The following TLCD4 variants were observed in gnomAD, a reference collection of about 807,000 sequenced individuals.
TLCD4 encodes the protein TLC domain-containing protein 4.
A neutral mutation model predicts 24.2 loss-of-function variants in TLCD4; 7 were observed. The observed-to-expected ratio is 0.29, with a 90% CI of 0.16 to 0.54. The LOEUF (loss-of-function observed/expected upper bound fraction) is 0.54, where lower values mean the gene tolerates loss of function less well. Among genes scored for constraint, TLCD4 ranks in the 20% least tolerant of loss-of-function variants. TLCD4 has a pLI of 0.95. For missense variants in TLCD4, 259 were observed against 313.9 expected, an observed-to-expected ratio of 0.82 and a Z score of 1.32; for synonymous variants, 103 against 106.4, an observed-to-expected ratio of 0.97 and a Z score of 0.20.
At chr1:95,143,528 T>C (rs1444438576) in intron 1 of TLCD4, among the ~76,000 whole-genome samples, 2 of 152,162 alleles carry the variant, frequency 1.3e-5, no homozygotes, top group East Asian at 3.9e-4. Context: ...AATTGAGGGA[T>C]AAAGAAATCG....
chr1:95,153,490 G>A (rs1571748347), intron 5 of TLCD4, among the ~76,000 whole-genome samples: 1 of 152,132 alleles, frequency 6.6e-6, no homozygotes, highest in Non-Finnish European at 1.5e-5. Context: ...TTGCATTTAG[G>A]TTCAACGATG....
Position 95,193,965 on chromosome 1 carries a change from A to C in TLCD4, c.*2097A>C, listed in dbSNP as rs937855097. The C allele has an allele frequency of 2.6e-5, 4 of 152,102 alleles. No individual in the cohort carries two copies. Among genetic ancestry groups the C allele is most frequent in the African/African-American group, 9.6e-5 (4 of 41,460 alleles). The allele number at this position is 152,102 out of a possible 1,614,324, so 9.4% of individuals were successfully genotyped here. A position where few individuals can be genotyped will look rare whatever the true frequency, so the allele number is the denominator to read the frequency against. ...CTTTTAGAAAGAGACCTTGAGATAA[A>C]TATTTTTTGACTCTGGATATTTCTA... On this transcript the variant is annotated 3_prime_UTR_variant, in exon 7 of 7. Transcript: ENST00000370203.
At chr1:95,169,071 T>C (rs1309539561) in intron 5 of TLCD4, among the ~76,000 whole-genome samples, 1 of 152,222 alleles carries the variant, frequency 6.6e-6, no homozygotes, top group Non-Finnish European at 1.5e-5. Context: ...GGGAGCTAGC[T>C]CCTTGGGGCT....
At chr1:95,112,757 G>A, upstream of TLCD4, among the ~76,000 whole-genome samples, 1 of 152,148 alleles carries the variant, frequency 6.6e-6, no homozygotes, top group East Asian at 1.9e-4. Flanking sequence ...CTGTGATCTG[G>A]CAAAATAAAA....
the TLCD4 span, among the ~76,000 whole-genome samples, chr1:95,102,168 G>T: frequency 6.6e-6 from 1 of 152,138 alleles, no homozygotes; most frequent in Non-Finnish European, 1.5e-5. Context: ...AAGGATTTGA[G>T]GACTCTTCTA....
intron 5 of TLCD4, among the ~76,000 whole-genome samples, chr1:95,154,997 T>C (rs1405071191): frequency 6.6e-6 from 1 of 151,520 alleles, no homozygotes; most frequent in Non-Finnish European, 1.5e-5. Flanking sequence ...CCTACCAACA[T>C]ATAGTCGTAG....
chr1:95,185,897 T>G (rs1156801830), intron 6 of TLCD4, among the ~76,000 whole-genome samples: 1 of 151,976 alleles, frequency 6.6e-6, no homozygotes, highest in Non-Finnish European at 1.5e-5. Context: ...TAACTGTATA[T>G]CAGTAAGAAA....
rs774758101 is a variant in TLCD4, at chr1:95,143,885, T to C, written c.-11-6T>C. ...AACAATTTATAGCTGTCATTTATCT[T>C]AACAGGTTGAAGAAATATGGAGATC... On this transcript the variant is annotated splice_polypyrimidine_tract_variant and splice_region_variant and intron_variant, in intron 1 of 6. Coordinates refer to ENST00000370203, the MANE Select transcript of TLCD4 (RefSeq NM_152487.3). 1 of 1,382,036 alleles carries C rather than the reference T, an allele frequency of 7.2e-7. No homozygotes were observed. Among genetic ancestry groups the C allele is most frequent in the Admixed American group, 2.8e-5 (1 of 35,972 alleles). 85.6% of individuals were successfully genotyped at this position (1,382,036 alleles called of 1,614,324 possible).
chr1:95,173,038 T>C (rs950056011), intron 5 of TLCD4, among the ~76,000 whole-genome samples: 1 of 152,244 alleles, frequency 6.6e-6, no homozygotes, highest in Non-Finnish European at 1.5e-5. Context: ...CTAGGTATTA[T>C]GTTTAAATTT....
At chr1:95,156,576 G>A (rs535686215) in intron 5 of TLCD4, among the ~76,000 whole-genome samples, 82 of 152,264 alleles carry the variant, frequency 5.4e-4, no homozygotes, top group African/African-American at 1.8e-3. Flanking sequence ...AATCTGATTG[G>A]GGAAGAGGAT....
intron 6 of TLCD4, among the ~76,000 whole-genome samples, chr1:95,188,370 A>G (rs1678904963): frequency 7.0e-6 from 1 of 143,328 alleles, no homozygotes; most frequent in Admixed American, 7.5e-5. Context: ...CCTGGGCGAC[A>G]GAGCGAGACT....
chr1:95,178,685 C>G (rs1678529016), intron 6 of TLCD4, among the ~76,000 whole-genome samples: 1 of 148,926 alleles, frequency 6.7e-6, no homozygotes, highest in Non-Finnish European at 1.5e-5. Flanking sequence ...GTGTAAGGGA[C>G]TATGCCTTAG....
At chr1:95,110,746 C>T in the TLCD4 span, among the ~76,000 whole-genome samples, 2 of 151,598 alleles carry the variant, frequency 1.3e-5, no homozygotes, top group African/African-American at 4.8e-5. Flanking sequence ...AAAAAGTAGC[C>T]AGGTGTGGTG....
At chr1:95,101,686 A>T in the TLCD4 span, among the ~76,000 whole-genome samples, 1 of 152,128 alleles carries the variant, frequency 6.6e-6, no homozygotes, top group Non-Finnish European at 1.5e-5. Flanking sequence ...GGTGTGAAAA[A>T]CACTGCTTTG....
At chr1:95,191,405 A>G in intron 6 of TLCD4, 145 bp from the exon 7 acceptor site, 1 of 1,020,848 alleles carries the variant, frequency 9.8e-7, no homozygotes, top group Non-Finnish European at 1.4e-6. Context: ...GAGTCCTCCA[A>G]CTTTGTTCTT....
chr1:95,142,648 T>C (rs1271762967), intron 1 of TLCD4, among the ~76,000 whole-genome samples: 1 of 151,970 alleles, frequency 6.6e-6, no homozygotes, highest in Non-Finnish European at 1.5e-5. Flanking sequence ...CCCATGCAAA[T>C]GAAGTAGTGG....
At chr1:95,131,849 A>AT (rs2100917031) in intron 1 of TLCD4, among the ~76,000 whole-genome samples, 1 of 152,246 alleles carries the variant, frequency 6.6e-6, no homozygotes, top group East Asian at 1.9e-4. Flanking sequence ...CAATGTATTG[A>AT]TGTTGGGAGG....
chr1:95,144,427 A>G (rs761833962), intron 2 of TLCD4, among the ~76,000 whole-genome samples: 2 of 152,196 alleles, frequency 1.3e-5, no homozygotes, highest in Non-Finnish European at 2.9e-5. Flanking sequence ...CTTATACCAT[A>G]CAGCATTGGC....
At chr1:95,109,037 A>G in the TLCD4 span, among the ~76,000 whole-genome samples, 1 of 152,194 alleles carries the variant, frequency 6.6e-6, no homozygotes, top group Non-Finnish European at 1.5e-5. Context: ...TAATACATTT[A>G]AAAATTAGGG....
Sources: gnomAD v4.1 joint callset for allele counts (sites outside exome capture counted in the v4.1 genomes callset) on GRCh38, gnomAD v4.1.1 for gene constraint, MANE v1.5 for transcripts, NCBI Gene and HGNC (gene_info 2026-07-23, HGNC 2026-07-21) for gene names.